Variants in UHRF2 observed in about 807,000 individuals in gnomAD.
UHRF2 encodes ubiquitin like with PHD and ring finger domains 2.
A neutral mutation model predicts 96.8 loss-of-function variants in UHRF2; 23 were observed. The ratio of observed to expected loss-of-function variants is 0.24; its 90% CI spans 0.17 to 0.34. The LOEUF is 0.34. Ranked by LOEUF, UHRF2 falls within the 10% of genes least tolerant of loss-of-function variation. UHRF2 has a pLI of 1.00. For missense variants in UHRF2, 685 were observed against 981.5 expected, an observed-to-expected ratio of 0.70 and a Z score of 4.04; for synonymous variants, 385 against 332.6, an observed-to-expected ratio of 1.16 and a Z score of -1.72.
chr9:6,506,320 C>G lies in UHRF2; in HGVS notation c.*141C>G. On this transcript the variant is annotated 3_prime_UTR_variant, in exon 16 of 16. Transcript: ENST00000276893. ...ATCCTCTTTCCCACATAGCCATCAT[C>G]TTGTGTGTGTAGTAAGAGGCCCATT... 9.0e-7 allele frequency: 1 copy of G among 1,105,010 alleles called. No individual in the cohort carries two copies. Among genetic ancestry groups the G allele is most frequent in the Non-Finnish European group, 1.3e-6 (1 of 788,782 alleles). 68.5% of individuals were successfully genotyped at this position (1,105,010 alleles called of 1,614,324 possible).
chr9:6,418,103 T>G (rs1202201156), intron 1 of UHRF2, among the ~76,000 whole-genome samples: 4 of 152,216 alleles, frequency 2.6e-5, no homozygotes, highest in African/African-American at 9.7e-5. Flanking sequence ...TATGTTACGC[T>G]TTTTCAGCTC....
chr9:6,445,589 A>G (rs142001985), intron 3 of UHRF2, among the ~76,000 whole-genome samples: 2 of 152,164 alleles, frequency 1.3e-5, no homozygotes, highest in Middle Eastern at 3.4e-3. Context: ...ACAGGGTCTT[A>G]CTGTGTCACA....
chr9:6,472,275 A>G (rs780949110), intron 4 of UHRF2, among the ~76,000 whole-genome samples: 4 of 152,328 alleles, frequency 2.6e-5, no homozygotes, highest in East Asian at 3.9e-4. Flanking sequence ...TAGACCCTTT[A>G]AAGGGTTTAG....
intron 3 of UHRF2, among the ~76,000 whole-genome samples, chr9:6,451,359 G>C (rs1053299909): frequency 7.9e-5 from 12 of 151,788 alleles, no homozygotes; most frequent in African/African-American, 2.9e-4. Context: ...ATAATTATGT[G>C]ACACATTACA....
intron 3 of UHRF2, among the ~76,000 whole-genome samples, chr9:6,454,245 C>G (rs1822053234): frequency 6.6e-6 from 1 of 152,176 alleles, no homozygotes; most frequent in Admixed American, 6.5e-5. Flanking sequence ...GAATCTAAAC[C>G]TAGGCAGACT....
At chr9:6,501,705 A>AGT (rs1349983778) in intron 14 of UHRF2, among the ~76,000 whole-genome samples, 2 of 152,244 alleles carry the variant, frequency 1.3e-5, no homozygotes, top group Non-Finnish European at 2.9e-5. Context: ...CACTTTGAGA[A>AGT]GTGTTTACTT....
rs1281296753 is a variant in UHRF2 at position 6,485,814 on chromosome 9, A to C, written c.1393-1007A>C. 1.6e-4 allele frequency among the ~76,000 whole-genome samples: 20 copies of C among 128,546 alleles called. No homozygotes were observed. The East Asian group carries it at 1.7e-3, about 11-fold the overall frequency. 84.3% of individuals were successfully genotyped at this position (128,546 alleles called of 152,430 possible). On this transcript the variant is annotated intron_variant, in intron 8 of 15. Coordinates refer to ENST00000276893, the MANE Select transcript of UHRF2 (RefSeq NM_152896.3). The stretch of plus-strand genomic sequence containing the variant: ...CCCCTGTCTCTACCCAAAAAAAAAA[A>C]AAAAAAAAAAAAAACAAAACCCAAA...
Position 6,475,481 on chromosome 9 carries a change from T to G in UHRF2, c.954T>G (p.Phe318Leu). Residue 318 changes from phenylalanine to leucine, a missense_variant, in exon 5 of 16, where the codon TTT (phenylalanine) becomes TTG (leucine). Coordinates refer to ENST00000276893, the MANE Select transcript of UHRF2 (RefSeq NM_152896.3). The part of the protein sequence containing the change: ...IERPGAHPLS[F>L]ADGKFLRRND... Reference sequence around the variant, plus strand: ...GACCTGGAGCCCATCCCCTTTCATTTGCAGATGGAAAGTTTTTAAGTATGG... The same window carrying G: ...GACCTGGAGCCCATCCCCTTTCATTGGCAGATGGAAAGTTTTTAAGTATGG... The G allele has an allele frequency of 6.3e-7, 1 of 1,590,968 alleles. No homozygotes were observed.
intron 3 of UHRF2, among the ~76,000 whole-genome samples, chr9:6,457,087 A>T (rs1431095333): frequency 2.0e-5 from 3 of 152,170 alleles, no homozygotes; most frequent in Non-Finnish European, 2.9e-5. Flanking sequence ...GAATCTATAA[A>T]TTACTTTGGG....
intron 3 of UHRF2, among the ~76,000 whole-genome samples, chr9:6,459,866 A>G (rs192174226): frequency 4.4e-4 from 67 of 152,322 alleles, no homozygotes; most frequent in Non-Finnish European, 7.8e-4. Flanking sequence ...CCAGCTACTC[A>G]GGCAGCTCAG....
At chr9:6,451,630 G>A (rs1290988727) in intron 3 of UHRF2, among the ~76,000 whole-genome samples, 15 of 150,688 alleles carry the variant, frequency 1.0e-4, no homozygotes, top group East Asian at 9.9e-4. Flanking sequence ...ACAGGCGCCC[G>A]CCACCACTCC....
chr9:6,499,789 T>G, intron 12 of UHRF2, 46 bp from the exon 13 acceptor site: 36 of 1,236,860 alleles, frequency 2.9e-5, no homozygotes, highest in Non-Finnish European at 3.4e-5. Context: ...CCCTTCTCTG[T>G]GAAGCTTAAA....
intron 2 of UHRF2, among the ~76,000 whole-genome samples, chr9:6,421,526 C>G (rs990708223): frequency 2.6e-5 from 4 of 152,184 alleles, no homozygotes; most frequent in African/African-American, 7.2e-5. Flanking sequence ...AAGCAAATCT[C>G]CTGCCTTAGT....
At chr9:6,469,601 A>T (rs1468815782) in intron 4 of UHRF2, among the ~76,000 whole-genome samples, 1 of 151,966 alleles carries the variant, frequency 6.6e-6, no homozygotes, top group East Asian at 1.9e-4. Context: ...AAGTCAATAA[A>T]AACTACCCAT....
At chr9:6,470,278 CAGG>C (rs1390228982) in intron 4 of UHRF2, among the ~76,000 whole-genome samples, 1 of 150,648 alleles carries the variant, frequency 6.6e-6, no homozygotes, top group Non-Finnish European at 1.5e-5. Flanking sequence ...GAGACTGAAG[CAGG>C]AGAACTGCTT....
intron 3 of UHRF2, among the ~76,000 whole-genome samples, chr9:6,447,114 C>A (rs953306007): frequency 2.6e-5 from 4 of 152,100 alleles, no homozygotes; most frequent in Non-Finnish European, 5.9e-5. Flanking sequence ...TGGTCTTGAT[C>A]TCCTGACCTC....
intron 3 of UHRF2, among the ~76,000 whole-genome samples, chr9:6,438,043 A>G (rs114880387): frequency 4.1e-4 from 63 of 152,350 alleles, no homozygotes; most frequent in African/African-American, 1.5e-3. Context: ...GACCTGGTGC[A>G]TGTTCAGAGT....
At chr9:6,492,441 T>A in intron 9 of UHRF2, 1 of 851,936 alleles carries the variant, frequency 1.2e-6, no homozygotes, top group Non-Finnish European at 1.4e-6. Flanking sequence ...GAATACATAC[T>A]AAAGATTAAG....
Position 6,488,637 on chromosome 9 carries a change from C to T in UHRF2, c.1497+1712C>T, listed in dbSNP as rs1353468870. Among the ~76,000 whole-genome samples, 4 of 146,904 alleles carry T rather than the reference C, an allele frequency of 2.7e-5. No individual in the cohort carries two copies. In the East Asian group the frequency reaches 7.9e-4, roughly 29 times the overall value. ...ATCTCAGTTCACTGCAAGCAGCCTC[C>T]TGAATAGCTGGGATTACAGGCGGCC... On this transcript the variant is annotated intron_variant, in intron 9 of 15. Coordinates refer to ENST00000276893, the MANE Select transcript of UHRF2 (RefSeq NM_152896.3).
Sources: gnomAD v4.1 joint callset for allele counts (sites outside exome capture counted in the v4.1 genomes callset) on GRCh38, gnomAD v4.1.1 for gene constraint, MANE v1.5 for transcripts, NCBI Gene and HGNC (gene_info 2026-07-23, HGNC 2026-07-21) for gene names.